The following EPB41L1 variants were observed in gnomAD, a reference collection of about 807,000 sequenced individuals.
The protein encoded by EPB41L1 is erythrocyte membrane protein band 4.1 like 1.
Under a neutral mutation model 97.8 loss-of-function variants are expected in EPB41L1, and 29 were observed. That is an observed-to-expected ratio of 0.30 (90% CI 0.22 to 0.40). EPB41L1 has a LOEUF of 0.40. Ranked by LOEUF, EPB41L1 falls within the 10% of genes least tolerant of loss-of-function variation. The pLI is 1.00. For missense variants in EPB41L1, 812 were observed against 1,162.3 expected (o/e 0.70, Z 4.38); for synonymous variants, 383 against 459.2 (o/e 0.83, Z 2.12).
intron 2 of EPB41L1, among the ~76,000 whole-genome samples, chr20:36,136,343 T>C (rs1195749162): frequency 6.7e-6 from 1 of 149,334 alleles, no homozygotes; most frequent in Non-Finnish European, 1.5e-5. Flanking sequence ...GCTAAGTTTT[T>C]TTTTTTTTTT....
At chr20:36,180,199 G>C (rs1012885928) in intron 5 of EPB41L1, among the ~76,000 whole-genome samples, 1 of 152,218 alleles carries the variant, frequency 6.6e-6, no homozygotes. Flanking sequence ...CTCTACCCCT[G>C]TAACTTCCAG....
At chr20:36,097,955 A>G (rs547655360) in intron 1 of EPB41L1, among the ~76,000 whole-genome samples, 1 of 152,286 alleles carries the variant, frequency 6.6e-6, no homozygotes, top group East Asian at 1.9e-4. Flanking sequence ...GAAGGATCAG[A>G]TTTGCATTTC....
intron 2 of EPB41L1, among the ~76,000 whole-genome samples, chr20:36,133,417 T>C (rs1380789917): frequency 6.6e-6 from 1 of 152,234 alleles, no homozygotes; most frequent in African/African-American, 2.4e-5. Flanking sequence ...TCCCTCTGGA[T>C]CTCAGATCTG....
At chr20:36,192,635 T>C (rs2062016652) in intron 11 of EPB41L1, among the ~76,000 whole-genome samples, 1 of 151,956 alleles carries the variant, frequency 6.6e-6, no homozygotes. Flanking sequence ...AAGTTAGTTC[T>C]ACTTATATTT....
chr20:36,191,780 C>T (rs2061962578), intron 11 of EPB41L1, among the ~76,000 whole-genome samples: 2 of 152,178 alleles, frequency 1.3e-5, no homozygotes, highest in South Asian at 4.1e-4. Flanking sequence ...GAGCCTATTT[C>T]CTCTTCTACA....
At chr20:36,133,179 C>CG (rs150947586) in intron 2 of EPB41L1, among the ~76,000 whole-genome samples, 1,748 of 152,378 alleles carry the variant, frequency 0.011, 32 homozygotes, top group African/African-American at 0.04. Flanking sequence ...CGTTGAGCCC[C>CG]GCCTTGTTTC....
At chr20:36,127,661 C>G (rs1010558248) in intron 2 of EPB41L1, among the ~76,000 whole-genome samples, 10 of 152,154 alleles carry the variant, frequency 6.6e-5, no homozygotes, top group Non-Finnish European at 1.5e-4. Flanking sequence ...TCTCTTCTCC[C>G]TGGGCCTCGG....
intron 21 of EPB41L1, among the ~76,000 whole-genome samples, chr20:36,228,460 G>A (rs2064311813): frequency 6.6e-6 from 1 of 152,216 alleles, no homozygotes; most frequent in Admixed American, 6.5e-5. Flanking sequence ...CAGCTACTTG[G>A]GAGGCTGAGG....
At chr20:36,210,213 G>A (rs925571683) in intron 15 of EPB41L1, among the ~76,000 whole-genome samples, 5 of 152,156 alleles carry the variant, frequency 3.3e-5, no homozygotes, top group African/African-American at 4.8e-5. Context: ...GAGAGCATGC[G>A]TCTGTGGACT....
At chr20:36,222,517 C>A in intron 21 of EPB41L1, 123 bp downstream of exon 21, 3 of 744,420 alleles carry the variant, frequency 4.0e-6, no homozygotes, top group South Asian at 3.2e-5. Context: ...ACCCTCCCCC[C>A]ATCAGCCTTC....
intron 2 of EPB41L1, among the ~76,000 whole-genome samples, chr20:36,141,810 A>C (rs999129989): frequency 2.6e-5 from 4 of 152,194 alleles, no homozygotes; most frequent in African/African-American, 9.7e-5. Flanking sequence ...ATACATACAT[A>C]TTTTATAGAA....
Position 36,190,433 on chromosome 20 carries a change from G to A in EPB41L1, c.1124+59G>A. ...GGGCAGAGGCCATGTGTATGGAGGG[G>A]AGCAGGGGGAGGAGTTAGTGAGAAC... On this transcript the variant is annotated intron_variant, in intron 10 of 21. Coordinates refer to ENST00000338074, the MANE Select transcript of EPB41L1 (RefSeq NM_012156.2). This position sits in a 1 kb window ranked among gnomAD's most constrained non-coding sequence, Gnocchi z 5.8. The A allele has an allele frequency of 6.3e-7, 1 of 1,577,498 alleles. No homozygotes were observed. The highest frequency in any genetic ancestry group is 8.7e-7 in the Non-Finnish European group (1 of 1,152,352).
chr20:36,135,890 T>C (rs1044864450), intron 2 of EPB41L1, among the ~76,000 whole-genome samples: 3 of 152,132 alleles, frequency 2.0e-5, no homozygotes, highest in Admixed American at 2.0e-4. Flanking sequence ...AGGGGCAGAA[T>C]TGAGGGTAGC....
chr20:36,228,151 A>C (rs1210269608), intron 21 of EPB41L1, among the ~76,000 whole-genome samples: 2 of 152,230 alleles, frequency 1.3e-5, no homozygotes, highest in African/African-American at 2.4e-5. Context: ...ATGATGTTTC[A>C]TCCATTAAAT....
At chr20:36,109,314 C>T (rs2058311672) in intron 1 of EPB41L1, among the ~76,000 whole-genome samples, 1 of 152,190 alleles carries the variant, frequency 6.6e-6, no homozygotes, top group South Asian at 2.1e-4. Context: ...ACGCCCTTCA[C>T]TTGCTCTGTG....
chr20:36,219,657 G>A, intron 18 of EPB41L1, 104 bp from the exon 19 acceptor site: 6 of 942,074 alleles, frequency 6.4e-6, no homozygotes, highest in Non-Finnish European at 8.7e-6. Flanking sequence ...TCTTGGCTTC[G>A]AAACGTCACC....
At chr20:36,137,184 C>T (rs1042280512) in intron 2 of EPB41L1, among the ~76,000 whole-genome samples, 4 of 148,662 alleles carry the variant, frequency 2.7e-5, no homozygotes, top group East Asian at 4.1e-4. Flanking sequence ...AAGGGATATT[C>T]GCCCCTCAGC....
At position 36,154,963 on chromosome 20, in the gene EPB41L1, A is replaced by G. The variant is rs1005014896; in HGVS notation, c.-15+67A>G. The G allele has an allele frequency of 4.3e-6, 5 of 1,151,572 alleles. No homozygotes were observed. The highest frequency in any genetic ancestry group is 5.5e-6 in the Non-Finnish European group (5 of 913,306). The allele number at this position is 1,151,572 out of a possible 1,614,324, so 71.3% of individuals were successfully genotyped here. On this transcript the variant is annotated intron_variant, in intron 1 of 21. Coordinates refer to ENST00000338074, the MANE Select transcript of EPB41L1 (RefSeq NM_012156.2). The surrounding 1 kb of genome is among the most constrained non-coding windows in gnomAD (Gnocchi z 5.5). ...CTTGCAACATCTAGGCCCAGCCTCC[A>G]GCCCTGGGGAGGAACGGGGGCGAGG...
chr20:36,172,803 G>A (rs946271171), intron 1 of EPB41L1, among the ~76,000 whole-genome samples: 5 of 152,322 alleles, frequency 3.3e-5, no homozygotes, highest in African/African-American at 9.6e-5. Context: ...GTTTCACCAT[G>A]TTGGCCAGGT....
Sources: gnomAD v4.1 joint callset for allele counts (sites outside exome capture counted in the v4.1 genomes callset) on GRCh38, gnomAD v4.1.1 for gene constraint, Gnocchi (gnomAD v3.1) non-coding constraint, MANE v1.5 for transcripts, NCBI Gene and HGNC (gene_info 2026-07-23, HGNC 2026-07-21) for gene names.